Variants in PGM3 observed in about 807,000 individuals in gnomAD.
PGM3 encodes the protein phosphoglucomutase 3.
A neutral mutation model predicts 66.2 loss-of-function variants in PGM3; 40 were observed. The ratio of observed to expected loss-of-function variants is 0.60; its 90% CI spans 0.47 to 0.79. The LOEUF is 0.79. Among genes scored for constraint, PGM3 ranks in the 30% least tolerant of loss-of-function variants. The probability of loss-of-function intolerance (pLI) is 0.00; values close to 1 mark genes in which losing one functional copy is unlikely to be tolerated. For synonymous variants in PGM3, 191 were observed against 224.2 expected (o/e 0.85, Z 1.32); for missense variants, 537 against 643.4 (o/e 0.83, Z 1.79).
chr6:83,152,171 A>G, the PGM3 span: 2 of 850,026 alleles, frequency 2.4e-6, no homozygotes, highest in Admixed American at 3.1e-5. Context: ...GGAAAAATAT[A>G]TATATACATA....
chr6:83,179,814 A>C lies in PGM3; in HGVS notation c.941T>G (p.Val314Gly), dbSNP rs1173074246. 1 of 1,608,728 alleles carries C rather than the reference A, an allele frequency of 6.2e-7. No individual in the cohort carries two copies. Among genetic ancestry groups the C allele is most frequent in the Admixed American group, 1.7e-5 (1 of 59,422 alleles). ...LISSFLKELL[V>G]EIGESLNIGV... ...TAGCCAATCCCCCCACCATACCTCCACCAGGAGCTCTTTAAGGAAACTGCT... is the reference window on the plus strand; with the variant it reads ...TAGCCAATCCCCCCACCATACCTCCCCCAGGAGCTCTTTAAGGAAACTGCT... Residue 314 changes from valine (V) to glycine (G), a missense_variant, in exon 7 of 13, where the codon GTG (valine) becomes GGG (glycine). By Grantham distance (109) the Val-to-Gly change is moderately radical (BLOSUM62 -3). Coordinates refer to ENST00000513973, the MANE Select transcript of PGM3 (RefSeq NM_015599.3).
intron 10 of PGM3, among the ~76,000 whole-genome samples, chr6:83,172,867 G>A (rs1176607320): frequency 6.6e-6 from 1 of 152,126 alleles, no homozygotes; most frequent in African/African-American, 2.4e-5. Flanking sequence ...TTGATTGATA[G>A]CATATAAATT....
intron 1 of PGM3, among the ~76,000 whole-genome samples, chr6:83,191,958 C>CAAAAAAAAAAAAAAAAAA (rs1219337174): frequency 5.1e-5 from 2 of 39,364 alleles, no homozygotes; most frequent in African/African-American, 1.0e-4. Flanking sequence ...GACTCGGTCT[C>CAAAAAAAAAAAAAAAAAA]AAAAAAAAAA....
rs745488561 is a variant in PGM3, at chr6:83,170,358, G to A, written c.1486C>T (p.Arg496Trp). Residue 496 changes from arginine (R) to tryptophan (W), a missense_variant, in exon 12 of 13, where the codon CGG becomes TGG. By Grantham distance (101) the Arg-to-Trp change is moderately radical. Transcript: ENST00000513973. ...ACGACATCTTCTGTACCAGAGGGCC[G>A]GACAAAAGCTCGAGAAAGCTTGTAC... ...KKYKLSRAFV[R>W]PSGTEDVVRV... is the part of the protein sequence containing the mutation. 1.4e-5 allele frequency: 22 copies of A among 1,614,104 alleles called. No homozygotes were observed. Among genetic ancestry groups the A allele is most frequent in the East Asian group, 2.2e-5 (1 of 44,888 alleles).
chr6:83,185,779 GTAAA>G (rs951048668), intron 4 of PGM3, among the ~76,000 whole-genome samples: 12 of 151,788 alleles, frequency 7.9e-5, no homozygotes, highest in African/African-American at 1.2e-4. Flanking sequence ...AAATAAATAA[GTAAA>G]TAAATAAATA....
the PGM3 span, chr6:83,151,533 T>A: frequency 3.7e-6 from 5 of 1,355,426 alleles, no homozygotes; most frequent in Admixed American, 7.0e-5. Context: ...AGAAATTAGA[T>A]CGCATTAGTT....
intron 11 of PGM3, chr6:83,170,789 A>G (rs966235023): frequency 4.7e-6 from 1 of 211,044 alleles, no homozygotes; most frequent in African/African-American, 2.3e-5. Context: ...AGCCCATTAT[A>G]TAAGAAGACC....
In PGM3 at chr6:83,167,867, T is replaced by C; in HGVS notation, c.*1367A>G. 1 of 1,603,098 alleles carries C rather than the reference T, an allele frequency of 6.2e-7. No individual in the cohort carries two copies. The highest frequency in any genetic ancestry group is 8.5e-7 in the Non-Finnish European group (1 of 1,173,696). On this transcript the variant is annotated 3_prime_UTR_variant, in exon 13 of 13. Transcript: ENST00000513973. ...TCACTTTTTGTTTTCTGCAGAAAAA[T>C]CCAGAGGAAGACAACTCAGGGAGAA... is the stretch of plus-strand genomic sequence containing the variant.
chr6:83,159,339 T>A (rs1278463464), downstream of PGM3, among the ~76,000 whole-genome samples: 1 of 152,154 alleles, frequency 6.6e-6, no homozygotes, highest in Non-Finnish European at 1.5e-5. Flanking sequence ...AGTGGTGTGA[T>A]CCTGGCTCAT....
In PGM3 at chr6:83,188,607, T is replaced by C. The variant is rs1788791991; in HGVS notation, c.389+7A>G. ...TTTTTTTTTTTACCAGTAACTCTTA[T>C]CATCACCTGGTATCTCTACCAATAA... On this transcript the variant is annotated splice_region_variant and intron_variant, in intron 3 of 12. Coordinates refer to ENST00000513973, the MANE Select transcript of PGM3 (RefSeq NM_015599.3). 1 of 1,597,924 alleles carries C rather than the reference T, an allele frequency of 6.3e-7. No homozygotes were observed. Among genetic ancestry groups the C allele is most frequent in the Non-Finnish European group, 8.6e-7 (1 of 1,166,226 alleles).
chr6:83,158,575 A>G, downstream of PGM3: 1 of 1,604,420 alleles, frequency 6.2e-7, no homozygotes, highest in East Asian at 2.2e-5. Flanking sequence ...AGGTACAAGT[A>G]TTTTTACTGA....
At position 83,167,011 on chromosome 6, in the gene PGM3, G is replaced by C. The variant is rs1785878976; in HGVS notation, c.*2223C>G. On this transcript the variant is annotated 3_prime_UTR_variant, in exon 13 of 13. Coordinates refer to ENST00000513973, the MANE Select transcript of PGM3 (RefSeq NM_015599.3). ...ACCTGTTCTCTCTTATCTTTCTCTA[G>C]ACAGAATGATGTCTGTAGCTGTGTT... 2.0e-6 allele frequency: 2 copies of C among 985,174 alleles called. No individual in the cohort carries two copies. Among genetic ancestry groups the C allele is most frequent in the Non-Finnish European group, 2.4e-6 (2 of 829,860 alleles). The allele number at this position is 985,174 out of a possible 1,614,324, so 61.0% of individuals were successfully genotyped here.
chr6:83,176,715 C>A (rs952113948), intron 8 of PGM3, among the ~76,000 whole-genome samples: 1 of 152,068 alleles, frequency 6.6e-6, no homozygotes, highest in African/African-American at 2.4e-5. Flanking sequence ...AGAAAAACTG[C>A]AAAAGAAAGA....
In PGM3 at chr6:83,177,034, C is replaced by G. The variant is rs1787822129; in HGVS notation, c.1030-974G>C. Reference sequence around the variant, plus strand: ...ATTTCGTTTTGCCCAGCCACTGTTTCTTTTTAAACAAATAGGAACATCACA... The same window carrying G: ...ATTTCGTTTTGCCCAGCCACTGTTTGTTTTTAAACAAATAGGAACATCACA... On this transcript the variant is annotated intron_variant, in intron 8 of 12. Transcript: ENST00000513973. Among the ~76,000 whole-genome samples the G allele has an allele frequency of 3.3e-5, 5 of 152,130 alleles. No homozygotes were observed. In the South Asian group the frequency reaches 1.0e-3, roughly 32 times the overall value.
At chr6:83,180,262 A>G (rs534062983) in intron 6 of PGM3, among the ~76,000 whole-genome samples, 10 of 152,280 alleles carry the variant, frequency 6.6e-5, no homozygotes, top group South Asian at 2.1e-4. Flanking sequence ...GTTTTTTGAA[A>G]GCTACATGTA....
Position 83,170,437 on chromosome 6 carries a change from T to A in PGM3, c.1407A>T (p.Arg469Ser). ...GTAATCCTGGGGGTGTAACTGCTTGTCTTTCAGCATCGGTAGTGCTAATAA... is the reference window on the plus strand; with the variant it reads ...GTAATCCTGGGGGTGTAACTGCTTGACTTTCAGCATCGGTAGTGCTAATAA... ...RRVISTTDAE[R>S]QAVTPPGLQE... Residue 469 changes from arginine (R) to serine (S), a missense_variant, in exon 12 of 13, where the codon AGA (arginine) becomes AGT (serine). Coordinates refer to ENST00000513973, the MANE Select transcript of PGM3 (RefSeq NM_015599.3). 1 of 1,614,112 alleles carries A rather than the reference T, an allele frequency of 6.2e-7. No homozygotes were observed. Among genetic ancestry groups the A allele is most frequent in the East Asian group, 2.2e-5 (1 of 44,882 alleles).
At position 83,166,424 on chromosome 6, in the gene PGM3, A is replaced by G; in HGVS notation, c.*2810T>C. On this transcript the variant is annotated 3_prime_UTR_variant, in exon 13 of 13. Transcript: ENST00000513973. Reference sequence around the variant, plus strand: ...ATGTTCATTAGCAGTTCCTGGGCCAAATGCATTGTTGATGTTGTGTGTTGT... The same window carrying G: ...ATGTTCATTAGCAGTTCCTGGGCCAGATGCATTGTTGATGTTGTGTGTTGT... The G allele has an allele frequency of 1.4e-6, 1 of 702,096 alleles. No individual in the cohort carries two copies. Among genetic ancestry groups the G allele is most frequent in the Non-Finnish European group, 2.6e-6 (1 of 384,758 alleles). 43.5% of individuals were successfully genotyped at this position (702,096 alleles called of 1,614,324 possible).
Position 83,190,803 on chromosome 6 carries a change from C to T in PGM3, c.204+6G>A. The T allele has an allele frequency of 6.2e-7, 1 of 1,609,396 alleles. No individual in the cohort carries two copies. Among genetic ancestry groups the T allele is most frequent in the Non-Finnish European group, 8.5e-7 (1 of 1,175,716 alleles). On this transcript the variant is annotated splice_donor_region_variant and intron_variant, in intron 2 of 12. Coordinates refer to ENST00000513973, the MANE Select transcript of PGM3 (RefSeq NM_015599.3). The stretch of plus-strand genomic sequence containing the variant: ...GTCTGCTTTATCAGGGCACTAAACC[C>T]ATTACCTCAGGATTGTGGGACGCTG...
downstream of PGM3, chr6:83,164,557 T>A: frequency 9.2e-7 from 1 of 1,083,428 alleles, no homozygotes; most frequent in South Asian, 1.4e-5. Flanking sequence ...CTATTTTGAT[T>A]GAAAGGCATC....
Sources: gnomAD v4.1 joint callset for allele counts (sites outside exome capture counted in the v4.1 genomes callset) on GRCh38, gnomAD v4.1.1 for gene constraint, MANE v1.5 for transcripts, NCBI Gene and HGNC (gene_info 2026-07-23, HGNC 2026-07-21) for gene names.